The following RTCB variants were observed in gnomAD, a reference collection of about 807,000 sequenced individuals.
RTCB encodes RNA-splicing ligase RTCB.
A neutral mutation model predicts 58.2 loss-of-function variants in RTCB; 32 were observed. The observed-to-expected ratio is 0.55, with a 90% CI of 0.41 to 0.74. The LOEUF (loss-of-function observed/expected upper bound fraction) is 0.74. RTCB is among the 30% of genes least tolerant of loss of function. The probability of loss-of-function intolerance (pLI) is 0.00; values close to 1 mark genes in which losing one functional copy is unlikely to be tolerated. For synonymous variants in RTCB, 247 were observed against 218.6 expected (o/e 1.13, Z -1.15); for missense variants, 523 against 639.0 (o/e 0.82, Z 1.96).
At chr22:32,396,029 C>T (rs376106525) in intron 8 of RTCB, 45 bp downstream of exon 8, 5 of 1,594,496 alleles carry the variant, frequency 3.1e-6, no homozygotes, top group African/African-American at 2.7e-5. Context: ...AAGCACTTAA[C>T]ATCATCATGA....
chr22:32,409,345 G>A (rs1569443519), intron 1 of RTCB, among the ~76,000 whole-genome samples: 1 of 152,136 alleles, frequency 6.6e-6, no homozygotes, highest in Non-Finnish European at 1.5e-5. Context: ...CTCTAGTTAG[G>A]TAAATAGTGA....
rs117355286 is a variant in RTCB at position 32,406,770 on chromosome 22, G to T, written c.241-9C>A. ...GGAAGCCCAATAGATCGCTGAAAAA[G>T]AATTAGAAAATGAAATACAAGTGTC... On this transcript the variant is annotated splice_polypyrimidine_tract_variant and intron_variant, in intron 3 of 11. Coordinates refer to ENST00000216038, the MANE Select transcript of RTCB (RefSeq NM_014306.5). The T allele has an allele frequency of 1.9e-6, 3 of 1,595,120 alleles. No homozygotes were observed. Among genetic ancestry groups the T allele is most frequent in the East Asian group, 2.2e-5 (1 of 44,674 alleles).
Position 32,401,782 on chromosome 22 carries a change from C to A in RTCB, c.462G>T (p.Gly154=), listed in dbSNP as rs771756217. 6.2e-7 allele frequency: 1 copy of A among 1,613,844 alleles called. No homozygotes were observed. Among genetic ancestry groups the A allele is most frequent in the Non-Finnish European group, 8.5e-7 (1 of 1,179,826 alleles). Residue 154 remains glycine (G), a synonymous_variant, in exon 5 of 12, where the codon GGG becomes GGT. Transcript: ENST00000216038. ...AQAMFDHIPV[G]VGSKGVIPMN... ...TTGGGATGACACCTTTTGACCCCAC[C>A]CCAACAGGAATGTGGTCAAACATAG...
intron 1 of RTCB, among the ~76,000 whole-genome samples, chr22:32,411,190 G>C (rs1434707710): frequency 6.6e-6 from 1 of 152,188 alleles, no homozygotes; most frequent in African/African-American, 2.4e-5. Flanking sequence ...GTGACTATTG[G>C]GAGCTGTTTA....
At chr22:32,399,561 A>G (rs767033340) in intron 6 of RTCB, 42 bp downstream of exon 6, 46 of 1,543,286 alleles carry the variant, frequency 3.0e-5, no homozygotes, top group Non-Finnish European at 3.9e-5. Context: ...AAAACAAAAT[A>G]TGAAAAAAAA....
chr22:32,393,815 C>T, intron 10 of RTCB, 77 bp downstream of exon 10: 2 of 992,382 alleles, frequency 2.0e-6, no homozygotes, highest in Non-Finnish European at 3.2e-6. Flanking sequence ...GTTCAATCAG[C>T]TACATTTACC....
chr22:32,408,838 T>C lies in RTCB; in HGVS notation c.94-5A>G, dbSNP rs1933472668. The C allele has an allele frequency of 1.2e-6, 2 of 1,609,350 alleles. No homozygotes were observed. Among genetic ancestry groups the C allele is most frequent in the African/African-American group, 1.3e-5 (1 of 74,936 alleles). ...CACATAGAAAACACCTTCAACCTAGTACCAAGGAAAGTGAAAAGCAATGTC... is the reference window on the plus strand; with the variant it reads ...CACATAGAAAACACCTTCAACCTAGCACCAAGGAAAGTGAAAAGCAATGTC... On this transcript the variant is annotated splice_polypyrimidine_tract_variant and splice_region_variant and intron_variant, in intron 1 of 11. Transcript: ENST00000216038.
chr22:32,406,741 A>T lies in RTCB; in HGVS notation c.261T>A (p.Asp87Glu). The T allele has an allele frequency of 6.2e-7, 1 of 1,611,072 alleles. No individual in the cohort carries two copies. Among genetic ancestry groups the T allele is most frequent in the Non-Finnish European group, 8.5e-7 (1 of 1,177,420 alleles). The change falls in exon 4 of 12, where the codon GAT becomes GAA. Residue 87 changes from aspartate (D) to glutamate (E), a missense_variant. By Grantham distance (45) the Asp-to-Glu change is conservative. Transcript: ENST00000216038. ...TAGCAAACCCATATCCTGAATGGACATCAGGAAGCCCAATAGATCGCTGAA... is the reference window on the plus strand; with the variant it reads ...TAGCAAACCCATATCCTGAATGGACTTCAGGAAGCCCAATAGATCGCTGAA... ...GIVHRSIGLP[D>E]VHSGYGFAIG...
chr22:32,406,021 C>A (rs1223458181), intron 4 of RTCB, among the ~76,000 whole-genome samples: 2 of 152,124 alleles, frequency 1.3e-5, no homozygotes, highest in Non-Finnish European at 2.9e-5. Context: ...ATCTAAGCTA[C>A]TAATACTGTG....
At chr22:32,400,454 A>C (rs1184066578) in intron 5 of RTCB, among the ~76,000 whole-genome samples, 1 of 152,174 alleles carries the variant, frequency 6.6e-6, no homozygotes, top group Non-Finnish European at 1.5e-5. Flanking sequence ...AGCCCATTTC[A>C]CTATCATTAT....
chr22:32,411,957 G>T (rs1293462048), intron 1 of RTCB, 107 bp downstream of exon 1: 2 of 783,990 alleles, frequency 2.6e-6, no homozygotes, highest in African/African-American at 1.8e-5. Flanking sequence ...ACTCTGCAAG[G>T]GGCCGGGGCG....
intron 5 of RTCB, among the ~76,000 whole-genome samples, chr22:32,400,506 G>T (rs912238992): frequency 3.9e-5 from 6 of 152,114 alleles, no homozygotes; most frequent in Admixed American, 2.0e-4. Flanking sequence ...GCAGAGCAGG[G>T]TCACCCCATA....
chr22:32,395,807 G>A (rs952657149), intron 8 of RTCB, among the ~76,000 whole-genome samples: 1 of 152,090 alleles, frequency 6.6e-6, no homozygotes, highest in African/African-American at 2.4e-5. Context: ...CCATTCTGCT[G>A]CCTCAGCCTC....
chr22:32,399,119 C>T (rs77048511), intron 6 of RTCB, among the ~76,000 whole-genome samples: 3,429 of 152,092 alleles, frequency 0.023, 123 homozygotes, highest in African/African-American at 0.077. Flanking sequence ...CTCCCATTCA[C>T]TTCTAATTCA....
intron 7 of RTCB, 89 bp downstream of exon 7, chr22:32,397,852 C>A: frequency 7.9e-7 from 1 of 1,270,276 alleles, no homozygotes. Flanking sequence ...CAGGATAAAA[C>A]CCATGCAGTA....
In RTCB at chr22:32,387,735, AAACTC is replaced by A. The variant is rs1933081750; in HGVS notation, c.*252_*256del. 2.5e-6 allele frequency: 1 copy of A among 405,150 alleles called. No individual in the cohort carries two copies. 25.1% of individuals were successfully genotyped at this position (405,150 alleles called of 1,614,324 possible). A position where few individuals can be genotyped will look rare whatever the true frequency, so the allele number is the denominator to read the frequency against. ...TACCCATCCCTAACAGATTTTCCTA[AAACTC>A]TGTGGAACAACCAAGGAGAAGGCAT... On this transcript the variant is annotated 3_prime_UTR_variant, in exon 12 of 12. Transcript: ENST00000216038.
chr22:32,393,952 A>G lies in RTCB; in HGVS notation c.1230T>C (p.Tyr410=), dbSNP rs753535706. 9.3e-6 allele frequency: 15 copies of G among 1,614,110 alleles called. No individual in the cohort carries two copies. The highest frequency in any genetic ancestry group is 1.3e-5 in the African/African-American group (1 of 74,948). The change falls in exon 10 of 12, where the codon TAT becomes TAC. Residue 410 remains tyrosine (Y), a synonymous_variant. Coordinates refer to ENST00000216038, the MANE Select transcript of RTCB (RefSeq NM_014306.5). The part of the protein sequence containing the change: ...LIGGTMGTCS[Y]VLTGTEQGMT... ...TGCCCTGTTCAGTGCCAGTAAGAAC[A>G]TAACTACAGGTTCCCATGGTGCCAC...
chr22:32,394,804 A>G (rs1335720340), intron 9 of RTCB, among the ~76,000 whole-genome samples: 1 of 151,902 alleles, frequency 6.6e-6, no homozygotes, highest in Non-Finnish European at 1.5e-5. Flanking sequence ...GTGGAGTAAA[A>G]TACACTTCCT....
Position 32,412,200 on chromosome 22 carries a change from A to T in RTCB, c.-44T>A. 6.7e-7 allele frequency: 1 copy of T among 1,496,298 alleles called. No individual in the cohort carries two copies. Among genetic ancestry groups the T allele is most frequent in the African/African-American group, 1.4e-5 (1 of 70,840 alleles). The allele number at this position is 1,496,298 out of a possible 1,614,324, so 92.7% of individuals were successfully genotyped here. A position where few individuals can be genotyped will look rare whatever the true frequency, so the allele number is the denominator to read the frequency against. On this transcript the variant is annotated 5_prime_UTR_variant, in exon 1 of 12. Transcript: ENST00000216038. ...AAAAACTCCCGGCTCCGCTTTGAAG[A>T]GCCGCTGCCGCGTAGTCCGGCTTCT...
Sources: gnomAD v4.1 joint callset for allele counts (sites outside exome capture counted in the v4.1 genomes callset) on GRCh38, gnomAD v4.1.1 for gene constraint, MANE v1.5 for transcripts, NCBI Gene and HGNC (gene_info 2026-07-23, HGNC 2026-07-21) for gene names.